Variants in ITGAV observed in about 807,000 individuals in gnomAD.
ITGAV encodes the protein integrin subunit alpha V.
ITGAV carries 76 observed loss-of-function variants against 143.8 expected under a neutral mutation model. The observed-to-expected ratio is 0.53, with a 90% CI of 0.44 to 0.64. The LOEUF (loss-of-function observed/expected upper bound fraction) is 0.64, where lower values mean the gene tolerates loss of function less well. Among genes scored for constraint, ITGAV ranks in the 30% least tolerant of loss-of-function variants. The pLI is 0.00. For synonymous variants in ITGAV, 453 were observed against 446.7 expected (o/e 1.01, Z -0.18); for missense variants, 1,193 against 1,274.7 (o/e 0.94, Z 0.98).
At chr2:186,675,414 A>C (rs1689179636) in intron 26 of ITGAV, among the ~76,000 whole-genome samples, 190 bp from the exon 27 acceptor site, 1 of 152,250 alleles carries the variant, frequency 6.6e-6, no homozygotes, top group East Asian at 1.9e-4. Context: ...GAAAAAGAAA[A>C]GAAACATACC....
In ITGAV at chr2:186,646,824, G is replaced by C. The variant is rs200189367; in HGVS notation, c.1298G>C (p.Ser433Thr). The change falls in exon 13 of 30, where the codon AGC becomes ACC. Residue 433 changes from serine (S) to threonine (T), a missense_variant. Ser to Thr is a moderately conservative substitution (Grantham distance 58, BLOSUM62 1). Transcript: ENST00000261023. Reference protein sequence around the residue: ...GQWAARSMPPSFGYSMKGATD... With the variant: ...GQWAARSMPPTFGYSMKGATD... ...TGGGCTGCTCGAAGCATGCCACCAAGCTTTGGCTATTCAATGAAAGGAGCC... is the reference window on the plus strand; with the variant it reads ...TGGGCTGCTCGAAGCATGCCACCAACCTTTGGCTATTCAATGAAAGGAGCC... 7.5e-6 allele frequency: 12 copies of C among 1,609,418 alleles called. No homozygotes were observed. The highest frequency in any genetic ancestry group is 2.7e-5 in the African/African-American group (2 of 74,852).
At chr2:186,600,460 C>T (rs113965399) in intron 1 of ITGAV, 3 of 1,515,260 alleles carry the variant, frequency 2.0e-6, no homozygotes, top group African/African-American at 2.8e-5. Context: ...AGATGATTTC[C>T]TTAGAGAGAC....
In ITGAV at chr2:186,671,022, A is replaced by G. The variant is rs181829003; in HGVS notation, c.2706+1208A>G. 2.6e-3 allele frequency among the ~76,000 whole-genome samples: 394 copies of G among 152,286 alleles called. 3 individuals are homozygous for G. Among genetic ancestry groups the G allele is most frequent in the Non-Finnish European group, 3.4e-3 (234 of 68,036 alleles). On this transcript the variant is annotated intron_variant, in intron 26 of 29. Transcript: ENST00000261023. ...GTCTTGTATTTCAGCAAATTGCATC[A>G]GTATTTTCTTTCAAAATACCTAGAA...
At chr2:186,668,479 T>G in intron 24 of ITGAV, 3 of 311,096 alleles carry the variant, frequency 9.6e-6, no homozygotes, top group South Asian at 8.5e-5. Context: ...CCTCAAGAGA[T>G]CCGCCCGCCT....
chr2:186,620,808 A>G (rs1422264202), intron 2 of ITGAV, among the ~76,000 whole-genome samples: 2 of 152,204 alleles, frequency 1.3e-5, no homozygotes, highest in African/African-American at 4.8e-5. Context: ...CTATGGCTGT[A>G]TAATGGGATA....
In ITGAV at chr2:186,676,889, T is replaced by C. The variant is rs1470169000; in HGVS notation, c.3005T>C (p.Leu1002Pro). ...VPVWVIILAV[L>P]AGLLLLAVLV... ...GTGTGGGTGATCATTTTAGCAGTTCTAGCAGGATTGTTGCTACTGGCTGTT... is the reference window on the plus strand; with the variant it reads ...GTGTGGGTGATCATTTTAGCAGTTCCAGCAGGATTGTTGCTACTGGCTGTT... The change falls in exon 29 of 30, where the codon CTA (leucine) becomes CCA (proline). Residue 1002 changes from leucine (L) to proline (P), a missense_variant. Coordinates refer to ENST00000261023, the MANE Select transcript of ITGAV (RefSeq NM_002210.5). The C allele has an allele frequency of 1.9e-6, 3 of 1,613,974 alleles. No individual in the cohort carries two copies. In the South Asian group the frequency reaches 3.3e-5, roughly 18 times the overall value.
chr2:186,669,043 G>A lies in ITGAV; in HGVS notation c.2592+123G>A, dbSNP rs989633409. ...TATAAAACCCACTCTGCAAAAAATG[G>A]TTTAGTTCATAAGCAGTACACTTAG... On this transcript the variant is annotated intron_variant, in intron 25 of 29. Coordinates refer to ENST00000261023, the MANE Select transcript of ITGAV (RefSeq NM_002210.5). 2.8e-5 allele frequency: 23 copies of A among 821,838 alleles called. No homozygotes were observed. The East Asian group carries it at 4.4e-4, about 16-fold the overall frequency. 50.9% of individuals were successfully genotyped at this position (821,838 alleles called of 1,614,324 possible). A position where few individuals can be genotyped will look rare whatever the true frequency, so the allele number is the denominator to read the frequency against.
In ITGAV at chr2:186,590,127, C is replaced by A. The variant is rs61763604; in HGVS notation, c.-212C>A. 78 of 432,118 alleles carry A rather than the reference C, an allele frequency of 1.8e-4. No individual in the cohort carries two copies. The highest frequency in any genetic ancestry group is 1.4e-3 in the African/African-American group (69 of 48,118). 26.8% of individuals were successfully genotyped at this position (432,118 alleles called of 1,614,324 possible). On this transcript the variant is annotated 5_prime_UTR_variant, in exon 1 of 30. Coordinates refer to ENST00000261023, the MANE Select transcript of ITGAV (RefSeq NM_002210.5). ...GCAAAGGACCGTCTGCGCTGCTGTC[C>A]CCGCCCCGCGCGCTCTGCGCCCCTC...
intron 1 of ITGAV, among the ~76,000 whole-genome samples, chr2:186,592,574 GTT>G (rs11345190): frequency 5.6e-4 from 83 of 148,302 alleles, no homozygotes; most frequent in East Asian, 1.2e-3. Flanking sequence ...AACTTTAAGT[GTT>G]TTTTTTTTTT....
intron 10 of ITGAV, 28 bp from the exon 11 acceptor site, chr2:186,640,887 A>T (rs1468931913): frequency 1.3e-6 from 2 of 1,545,060 alleles, no homozygotes; most frequent in Admixed American, 3.5e-5. Context: ...ATGAAATATA[A>T]ACATTTCATT....
chr2:186,609,176 G>T (rs1380436463), intron 2 of ITGAV, among the ~76,000 whole-genome samples: 1 of 152,110 alleles, frequency 6.6e-6, no homozygotes, highest in Non-Finnish European at 1.5e-5. Flanking sequence ...CTGGAAAACA[G>T]GGTAATAGGA....
chr2:186,664,774 C>T, intron 20 of ITGAV, 133 bp downstream of exon 20: 1 of 1,068,174 alleles, frequency 9.4e-7, no homozygotes, highest in Admixed American at 2.2e-5. Flanking sequence ...AATGGAGTGC[C>T]TATCTTACAT....
chr2:186,665,003 T>A, intron 20 of ITGAV, 123 bp from the exon 21 acceptor site: 1 of 674,798 alleles, frequency 1.5e-6, no homozygotes. Flanking sequence ...TCTGGCTTTT[T>A]CCTTACCTCC....
At chr2:186,621,192 G>A (rs1451705491) in intron 2 of ITGAV, among the ~76,000 whole-genome samples, 1 of 152,148 alleles carries the variant, frequency 6.6e-6, no homozygotes, top group African/African-American at 2.4e-5. Flanking sequence ...TGATTGCTGT[G>A]TCTTAAAAAT....
intron 1 of ITGAV, among the ~76,000 whole-genome samples, chr2:186,594,045 G>A (rs1369902195): frequency 6.6e-6 from 1 of 151,804 alleles, no homozygotes; most frequent in Non-Finnish European, 1.5e-5. Context: ...ATGTGTAGAT[G>A]TGTATGCCTT....
At chr2:186,667,037 T>C (rs1688917396) in intron 22 of ITGAV, 113 bp from the exon 23 acceptor site, 1 of 665,056 alleles carries the variant, frequency 1.5e-6, no homozygotes, top group Non-Finnish European at 2.5e-6. Context: ...TATTTTGAGG[T>C]ATAAGCTTTA....
chr2:186,615,960 T>C (rs1687344399), intron 2 of ITGAV, among the ~76,000 whole-genome samples: 1 of 152,168 alleles, frequency 6.6e-6, no homozygotes, highest in Non-Finnish European at 1.5e-5. Flanking sequence ...GTGATCTATT[T>C]TGAGTTAATT....
intron 2 of ITGAV, among the ~76,000 whole-genome samples, chr2:186,615,649 T>G (rs1687333064): frequency 6.6e-6 from 1 of 152,120 alleles, no homozygotes; most frequent in Non-Finnish European, 1.5e-5. Flanking sequence ...TTCATTTGGT[T>G]GTTTGTCTTA....
At chr2:186,647,260 A>G (rs181244672) in intron 13 of ITGAV, among the ~76,000 whole-genome samples, 1 of 150,928 alleles carries the variant, frequency 6.6e-6, no homozygotes, top group East Asian at 1.9e-4. Context: ...TTTTAAGACA[A>G]GGTATGTCTC....
Sources: allele counts gnomAD v4.1 joint callset (sites outside exome capture counted in the v4.1 genomes callset), GRCh38; gene constraint gnomAD v4.1.1; transcripts MANE v1.5; gene names NCBI Gene and HGNC (gene_info 2026-07-23, HGNC 2026-07-21).